RASGEF1B: variants seen among roughly 807,000 people sequenced by gnomAD.
The protein encoded by RASGEF1B is RasGEF domain family member 1B, also known as ras-GEF domain-containing family member 1B.
In RASGEF1B, 30 loss-of-function variants were observed where a neutral mutation model predicts 65.7. That is an observed-to-expected ratio of 0.46 (90% CI 0.34 to 0.62). The LOEUF (loss-of-function observed/expected upper bound fraction) is 0.62, where lower values mean the gene tolerates loss of function less well. RASGEF1B is among the 20% of genes least tolerant of loss of function. The pLI, the probability that RASGEF1B is intolerant of heterozygous loss-of-function variation, is 0.01. For missense variants in RASGEF1B, 495 were observed against 580.1 expected (o/e 0.85, Z 1.51); for synonymous variants, 175 against 194.8 (o/e 0.90, Z 0.85).
In RASGEF1B at chr4:81,427,790, G is replaced by C. The variant is rs750854940; in HGVS notation, c.1400C>G (p.Ser467Trp). Reference protein sequence around the residue: ...IEKDRWKSLRSSLLGRV With the variant: ...IEKDRWKSLRWSLLGRV ...GTGTTAAACTCTGCCTAAGAGGCTC[G>C]ACCTGAGTAATAAAAACAACACAAC... The change falls in exon 14 of 14, where the codon TCG becomes TGG. Residue 467 changes from serine to tryptophan, a missense_variant and splice_region_variant. Coordinates refer to ENST00000264400, the MANE Select transcript of RASGEF1B (RefSeq NM_152545.3). The C allele has an allele frequency of 1.9e-6, 3 of 1,613,738 alleles. No individual in the cohort carries two copies. Among genetic ancestry groups the C allele is most frequent in the East Asian group, 2.2e-5 (1 of 44,872 alleles).
At chr4:81,431,011 A>T (rs959949771) in intron 13 of RASGEF1B, among the ~76,000 whole-genome samples, 13 of 152,126 alleles carry the variant, frequency 8.5e-5, no homozygotes, top group African/African-American at 2.4e-4. Flanking sequence ...TGTTTTTAAA[A>T]ATACAGAAAG....
chr4:81,470,188 TG>T, intron 1 of RASGEF1B, among the ~76,000 whole-genome samples: 1 of 152,348 alleles, frequency 6.6e-6, no homozygotes, highest in South Asian at 2.1e-4. Context: ...TCTTTTTTTC[TG>T]TTATGAAAAC....
At chr4:81,463,287 T>G (rs1378300202) in intron 1 of RASGEF1B, among the ~76,000 whole-genome samples, 1 of 152,182 alleles carries the variant, frequency 6.6e-6, no homozygotes, top group South Asian at 2.1e-4. Flanking sequence ...CATCAAGACA[T>G]AGAGATTCCA....
At chr4:81,448,955 C>T (rs1366493245) in intron 4 of RASGEF1B, among the ~76,000 whole-genome samples, 2 of 152,134 alleles carry the variant, frequency 1.3e-5, no homozygotes, top group East Asian at 1.9e-4. Context: ...GCTGGGATTA[C>T]AGGCATGTGC....
At chr4:81,445,867 G>A (rs968815853) in intron 6 of RASGEF1B, 29 bp from the exon 7 acceptor site, 2 of 1,551,158 alleles carry the variant, frequency 1.3e-6, no homozygotes, top group East Asian at 2.2e-5. Context: ...AAACAGATGA[G>A]TTAGAGGAAA....
At chr4:81,437,206 G>A (rs60314010) in intron 10 of RASGEF1B, among the ~76,000 whole-genome samples, 20,073 of 152,040 alleles carry the variant, frequency 0.13, 1,529 homozygotes, top group South Asian at 0.23. Flanking sequence ...TTATTGCCTA[G>A]GAGTCACACA....
At chr4:81,470,781 C>T (rs935152824) in intron 1 of RASGEF1B, among the ~76,000 whole-genome samples, 6 of 152,202 alleles carry the variant, frequency 3.9e-5, no homozygotes, top group Non-Finnish European at 7.3e-5. Context: ...ATCTGCCACA[C>T]TTGTGCCACC....
intron 1 of RASGEF1B, among the ~76,000 whole-genome samples, chr4:81,468,629 A>C (rs765227504): frequency 1.8e-4 from 27 of 152,334 alleles, no homozygotes; most frequent in Middle Eastern, 3.4e-3. Flanking sequence ...TTCATACCTA[A>C]AGAAAAACAA....
rs188566257 is a variant in RASGEF1B at position 81,438,236 on chromosome 4, T to C, written c.1104+2598A>G. On this transcript the variant is annotated intron_variant, in intron 10 of 13. Coordinates refer to ENST00000264400, the MANE Select transcript of RASGEF1B (RefSeq NM_152545.3). Reference sequence around the variant, plus strand: ...AAAAAACAAACAGCTATTTAAAGAATATTTAAGGGCTGCTGTGTGGAAGAC... The same window carrying C: ...AAAAAACAAACAGCTATTTAAAGAACATTTAAGGGCTGCTGTGTGGAAGAC... Among the ~76,000 whole-genome samples, 113 of 152,310 alleles carry C rather than the reference T, an allele frequency of 7.4e-4. 1 individual carries two copies. Among genetic ancestry groups the C allele is most frequent in the African/African-American group, 2.5e-3 (106 of 41,570 alleles).
chr4:81,444,488 T>C (rs988180050), intron 8 of RASGEF1B, among the ~76,000 whole-genome samples: 1 of 152,234 alleles, frequency 6.6e-6, no homozygotes, highest in African/African-American at 2.4e-5. Context: ...CTAAATTTGG[T>C]AGACTCTCTA....
chr4:81,455,899 A>G (rs1206311089), intron 4 of RASGEF1B: 1 of 152,316 alleles, frequency 6.6e-6, no homozygotes, highest in Non-Finnish European at 1.5e-5. Context: ...CCCAAGAATT[A>G]TCTTTGCTAA....
chr4:81,446,667 T>G (rs1578624923), intron 6 of RASGEF1B, among the ~76,000 whole-genome samples: 1 of 152,196 alleles, frequency 6.6e-6, no homozygotes, highest in East Asian at 1.9e-4. Flanking sequence ...TGGTCTTTAG[T>G]AGGGTGAGTA....
intron 1 of RASGEF1B, among the ~76,000 whole-genome samples, chr4:81,465,321 G>T (rs1191939099): frequency 3.9e-5 from 6 of 152,188 alleles, no homozygotes; most frequent in Non-Finnish European, 7.3e-5. Flanking sequence ...CAGGCGAAAA[G>T]AAAGTGTAGA....
intron 13 of RASGEF1B, among the ~76,000 whole-genome samples, chr4:81,430,576 A>G (rs1560691664): frequency 6.6e-6 from 1 of 152,176 alleles, no homozygotes; most frequent in Non-Finnish European, 1.5e-5. Context: ...GCCCACTGGT[A>G]TGCTCCTCTA....
At chr4:81,434,322 A>G (rs1418682532) in intron 11 of RASGEF1B, among the ~76,000 whole-genome samples, 1 of 152,162 alleles carries the variant, frequency 6.6e-6, no homozygotes, top group Non-Finnish European at 1.5e-5. Flanking sequence ...ACGCACTGGT[A>G]TTACAGGCGT....
At position 81,434,749 on chromosome 4, in the gene RASGEF1B, A is replaced by G. The variant is rs1438130390; in HGVS notation, c.1105-15T>C. ...GGTATCACAATCTAGAGGAAACAAAAGATTCTGGTTGGTCTGGGCAAACAA... is the reference window on the plus strand; with the variant it reads ...GGTATCACAATCTAGAGGAAACAAAGGATTCTGGTTGGTCTGGGCAAACAA... On this transcript the variant is annotated splice_polypyrimidine_tract_variant and intron_variant, in intron 10 of 13. Coordinates refer to ENST00000264400, the MANE Select transcript of RASGEF1B (RefSeq NM_152545.3). 2 of 1,376,766 alleles carry G rather than the reference A, an allele frequency of 1.5e-6. No individual in the cohort carries two copies. Among genetic ancestry groups the G allele is most frequent in the Non-Finnish European group, 2.1e-6 (2 of 965,624 alleles). The allele number at this position is 1,376,766 out of a possible 1,614,324, so 85.3% of individuals were successfully genotyped here. A position where few individuals can be genotyped will look rare whatever the true frequency, so the allele number is the denominator to read the frequency against.
chr4:81,449,336 G>C (rs542678997), intron 4 of RASGEF1B, among the ~76,000 whole-genome samples: 17 of 152,180 alleles, frequency 1.1e-4, no homozygotes, highest in African/African-American at 4.1e-4. Context: ...TCATGCTTAA[G>C]AGAAACTAGT....
intron 13 of RASGEF1B, 120 bp from the exon 14 acceptor site, chr4:81,427,912 G>T: frequency 2.0e-6 from 2 of 1,016,150 alleles, no homozygotes; most frequent in Non-Finnish European, 2.8e-6. Flanking sequence ...ATTTTACAAA[G>T]TTAAACCAGG....
intron 13 of RASGEF1B, among the ~76,000 whole-genome samples, chr4:81,430,877 G>C (rs1721407694): frequency 6.6e-6 from 1 of 152,112 alleles, no homozygotes; most frequent in African/African-American, 2.4e-5. Flanking sequence ...AATGTCTGGA[G>C]ACCACAGGTA....
Sources: gnomAD v4.1 joint callset for allele counts (sites outside exome capture counted in the v4.1 genomes callset) on GRCh38, gnomAD v4.1.1 for gene constraint, MANE v1.5 for transcripts, NCBI Gene and HGNC (gene_info 2026-07-23, HGNC 2026-07-21) for gene names.